RYR1: variants seen among roughly 807,000 people sequenced by gnomAD.
RYR1 encodes the protein ryanodine receptor 1, also known as central core disease of muscle.
A neutral mutation model predicts 583.5 loss-of-function variants in RYR1; 342 were observed. That is an observed-to-expected ratio of 0.59 (90% confidence interval 0.54 to 0.64). RYR1 has a LOEUF of 0.64. Ranked by LOEUF, RYR1 falls within the 30% of genes least tolerant of loss-of-function variation. RYR1 has a pLI of 0.00. For synonymous variants in RYR1, 2,791 were observed against 2,822.5 expected (o/e 0.99, Z 0.35); for missense variants, 6,032 against 6,917.2 (o/e 0.87, Z 4.54).
chr19:38,452,782 C>T, intron 12 of RYR1, 37 bp from the exon 13 acceptor site: 2 of 1,542,408 alleles, frequency 1.3e-6, no homozygotes, highest in Non-Finnish European at 1.8e-6. Flanking sequence ...GCAGTTAGCG[C>T]TCCCAGCCGT....
At chr19:38,454,319 C>A (rs912438624) in intron 13 of RYR1, among the ~76,000 whole-genome samples, 7 of 152,200 alleles carry the variant, frequency 4.6e-5, no homozygotes, top group Non-Finnish European at 8.8e-5. Context: ...GGATTACAGG[C>A]GTGAGCCACT....
intron 22 of RYR1, 123 bp from the exon 23 acceptor site, chr19:38,464,516 C>T (rs1179355015): frequency 1.2e-5 from 9 of 751,876 alleles, no homozygotes; most frequent in Admixed American, 8.4e-5. Flanking sequence ...GAGACAGGGC[C>T]AGAGCGCCCC....
Position 38,502,609 on chromosome 19 carries a change from G to A in RYR1, c.7717G>A (p.Glu2573Lys), listed in dbSNP as rs776037473. 3.1e-6 allele frequency: 5 copies of A among 1,612,976 alleles called. No homozygotes were observed. Among genetic ancestry groups the A allele is most frequent in the Non-Finnish European group, 4.2e-6 (5 of 1,179,924 alleles). ...TKCAPLFAGT[E>K]HRAIMVDSML... ...GTGTGCGCCGCTCTTTGCGGGCACA[G>A]AACACCGCGCCATCATGGTGGACTC... Residue 2573 changes from glutamate to lysine, a missense_variant, in exon 48 of 106, where the codon GAA becomes AAA. This residue lies in a region of RYR1 where 250 missense variants were observed against 162.3 expected (regional missense o/e 1.54). Transcript: ENST00000359596.
chr19:38,490,186 C>A lies in RYR1; in HGVS notation c.5925C>A (p.Ser1975Arg), dbSNP rs141689968. The change falls in exon 36 of 106, where the codon AGC (serine) becomes AGA (arginine). Residue 1975 changes from serine to arginine, a missense_variant. By Grantham distance (110) the Ser-to-Arg change is moderately radical. Around this residue, in one of 11 missense-constraint regions of RYR1, gnomAD observed 2,627 missense variants for 2,961.3 expected, o/e 0.89. Transcript: ENST00000359596. ...YVDKLQANQR[S>R]RYGLLIKAFS... ...ACAAGCTCCAGGCCAACCAGCGGAG[C>A]CGCTATGGCCTCCTCATAAAAGCCT... 3.7e-6 allele frequency: 6 copies of A among 1,614,084 alleles called. No homozygotes were observed. Among genetic ancestry groups the A allele is most frequent in the Non-Finnish European group, 4.2e-6 (5 of 1,180,038 alleles).
At chr19:38,583,008 A>G (rs1361957868) in intron 101 of RYR1, among the ~76,000 whole-genome samples, 1 of 152,006 alleles carries the variant, frequency 6.6e-6, no homozygotes, top group East Asian at 1.9e-4. Flanking sequence ...CGGAAAGAAC[A>G]AGTGTATGCC....
At chr19:38,524,292 TG>T (rs2145707995) in intron 70 of RYR1, among the ~76,000 whole-genome samples, 1 of 108,922 alleles carries the variant, frequency 9.2e-6, no homozygotes, top group African/African-American at 3.7e-5. Context: ...GGAGCATGGT[TG>T]GGGAGGGGGC....
chr19:38,483,449 C>T lies in RYR1; in HGVS notation c.4867C>T (p.Leu1623=), dbSNP rs1158227147. The T allele has an allele frequency of 6.4e-7, 1 of 1,571,920 alleles. No homozygotes were observed. Among genetic ancestry groups the T allele is most frequent in the South Asian group, 1.2e-5 (1 of 85,878 alleles). The change falls in exon 33 of 106, where the codon CTG becomes TTG. Residue 1623 remains leucine, a synonymous_variant. Coordinates refer to ENST00000359596, the MANE Select transcript of RYR1 (RefSeq NM_000540.3). The surrounding 1 kb of genome is among the most constrained non-coding windows in gnomAD (Gnocchi z 6.3). ...QVETRRAGER[L]GWAVQCQEPL... is the part of the protein sequence containing the mutation. ...GGAGACGAGGCGTGCCGGCGAGCGG[C>T]TGGGCTGGGCCGTGCAGTGCCAGGA...
intron 1 of RYR1, among the ~76,000 whole-genome samples, chr19:38,438,801 G>A (rs928298712): frequency 1.3e-5 from 2 of 151,620 alleles, no homozygotes; most frequent in African/African-American, 4.9e-5. Context: ...TGTATTTTTA[G>A]TAGAGACGGG....
chr19:38,464,563 C>A, intron 22 of RYR1, 76 bp from the exon 23 acceptor site: 1 of 1,273,772 alleles, frequency 7.9e-7, no homozygotes, highest in Non-Finnish European at 1.1e-6. Flanking sequence ...GAGCTGGAGA[C>A]CCTGAGGCCG....
intron 13 of RYR1, among the ~76,000 whole-genome samples, 159 bp from the exon 14 acceptor site, chr19:38,455,076 A>G (rs879928740): frequency 2.0e-5 from 3 of 152,248 alleles, no homozygotes; most frequent in Middle Eastern, 3.4e-3. Context: ...GAGGAGAGCA[A>G]TGGGACTGAT....
chr19:38,464,630 C>A lies in RYR1; in HGVS notation c.2787-9C>A. 3 of 1,572,156 alleles carry A rather than the reference C, an allele frequency of 1.9e-6. No homozygotes were observed. Among genetic ancestry groups the A allele is most frequent in the East Asian group, 2.3e-5 (1 of 42,924 alleles). On this transcript the variant is annotated splice_polypyrimidine_tract_variant and intron_variant, in intron 22 of 105. Coordinates refer to ENST00000359596, the MANE Select transcript of RYR1 (RefSeq NM_000540.3). ...GCGTGACCTGTCGCCTCCACTCCCC[C>A]ACCCCCAGGACTCTGCTGGCTCTGG...
In RYR1 at chr19:38,473,659, G is replaced by T; in HGVS notation, c.4048G>T (p.Gly1350Trp). Residue 1350 changes from glycine to tryptophan, a missense_variant, in exon 28 of 106, where the codon GGG (glycine) becomes TGG (tryptophan). Transcript: ENST00000359596. ...GAGCGAGGCAGAGAACGGCAAAGAA[G>T]GGACTGCGAAGGAGGGCGCCCCCGG... is the stretch of plus-strand genomic sequence containing the variant. ...GWSEAENGKE[G>W]TAKEGAPGGT... 6.4e-7 allele frequency: 1 copy of T among 1,554,406 alleles called. No individual in the cohort carries two copies. The highest frequency in any genetic ancestry group is 8.7e-7 in the Non-Finnish European group (1 of 1,149,042).
chr19:38,467,969 T>G (rs780698553), intron 25 of RYR1, 157 bp downstream of exon 25: 2 of 678,296 alleles, frequency 2.9e-6, no homozygotes, highest in Non-Finnish European at 5.2e-6. Context: ...CAACCAATGA[T>G]TCATCCATCC....
chr19:38,524,188 A>G, intron 70 of RYR1, among the ~76,000 whole-genome samples: 1 of 141,822 alleles, frequency 7.1e-6, no homozygotes, highest in South Asian at 2.2e-4. Context: ...TTTGTTCCCA[A>G]AAAAAAAAAA....
At chr19:38,462,888 CTTCTTTTTTT>C (rs1337691193) in intron 20 of RYR1, among the ~76,000 whole-genome samples, 1 of 86,996 alleles carries the variant, frequency 1.1e-5, no homozygotes, top group African/African-American at 5.0e-5. Flanking sequence ...AATACTCTCT[CTTCTTTTTTT>C]TTTTTTTTTT....
chr19:38,565,911 A>G lies in RYR1; in HGVS notation c.13437+140A>G, dbSNP rs1973399620. ...ACACGCACCCACGGAGGACGCACCCATGGAGGACGCACACGGGGACAGCGG... is the reference window on the plus strand; with the variant it reads ...ACACGCACCCACGGAGGACGCACCCGTGGAGGACGCACACGGGGACAGCGG... On this transcript the variant is annotated intron_variant, in intron 91 of 105. Coordinates refer to ENST00000359596, the MANE Select transcript of RYR1 (RefSeq NM_000540.3). This position sits in a 1 kb window ranked among gnomAD's most constrained non-coding sequence, Gnocchi z 4.7. 2 of 1,016,394 alleles carry G rather than the reference A, an allele frequency of 2.0e-6. No individual in the cohort carries two copies. The highest frequency in any genetic ancestry group is 2.6e-6 in the Non-Finnish European group (2 of 771,468). 63.0% of individuals were successfully genotyped at this position (1,016,394 alleles called of 1,614,324 possible).
At chr19:38,581,377 A>G (rs1462618958) in intron 101 of RYR1, among the ~76,000 whole-genome samples, 1 of 151,472 alleles carries the variant, frequency 6.6e-6, no homozygotes, top group Admixed American at 6.6e-5. Flanking sequence ...GCGCCCGGCC[A>G]ATTTTTGTAT....
chr19:38,490,300 C>A, intron 36 of RYR1, 24 bp downstream of exon 36: 1 of 1,605,268 alleles, frequency 6.2e-7, no homozygotes. Context: ...TGACGCTGGC[C>A]ACTTTTACTG....
At chr19:38,587,027 G>A (rs182837510) in intron 105 of RYR1, among the ~76,000 whole-genome samples, 4 of 152,086 alleles carry the variant, frequency 2.6e-5, no homozygotes, top group Admixed American at 6.6e-5. Flanking sequence ...CTAGCACTTC[G>A]GGAGGCCACA....
Sources: allele counts gnomAD v4.1 joint callset (sites outside exome capture counted in the v4.1 genomes callset), GRCh38; gene constraint gnomAD v4.1.1; regional missense constraint gnomAD v4.1.1; non-coding constraint Gnocchi (gnomAD v3.1); transcripts MANE v1.5; gene names NCBI Gene and HGNC (gene_info 2026-07-23, HGNC 2026-07-21).